FRYL: variants seen among roughly 807,000 people sequenced by gnomAD.
FRYL encodes the protein FRY like transcription coactivator, also known as protein furry homolog-like.
A neutral mutation model predicts 351.2 loss-of-function variants in FRYL; 150 were observed. The observed-to-expected ratio is 0.43, with a 90% CI of 0.37 to 0.49. FRYL has a LOEUF of 0.49. Among genes scored for constraint, FRYL ranks in the 20% least tolerant of loss-of-function variants. The probability of loss-of-function intolerance (pLI) is 0.00; values close to 1 mark genes in which losing one functional copy is unlikely to be tolerated. For synonymous variants in FRYL, 1,153 were observed against 1,257.1 expected, an observed-to-expected ratio of 0.92 and a Z score of 1.75; for missense variants, 3,036 against 3,619.3, an observed-to-expected ratio of 0.84 and a Z score of 4.13.
chr4:48,616,066 C>T (rs1450429631), intron 7 of FRYL, among the ~76,000 whole-genome samples: 2 of 151,748 alleles, frequency 1.3e-5, no homozygotes, highest in South Asian at 4.2e-4. Context: ...TGGGGCCTCT[C>T]GGCGGGTGGG....
chr4:48,778,876 T>C (rs1255684802), intron 1 of FRYL, among the ~76,000 whole-genome samples: 5 of 151,886 alleles, frequency 3.3e-5, no homozygotes, highest in African/African-American at 9.7e-5. Context: ...TGCTGTGTCT[T>C]TTTTCCCCTA....
intron 32 of FRYL, among the ~76,000 whole-genome samples, chr4:48,561,988 C>T (rs779901452): frequency 5.3e-5 from 8 of 152,098 alleles, no homozygotes; most frequent in Non-Finnish European, 7.4e-5. Context: ...TGTACTCTAG[C>T]CTGGGTGACA....
In FRYL at chr4:48,742,973, A is replaced by ATTT. The variant is rs71191256; in HGVS notation, c.-383-32278_-383-32276dup. Among the ~76,000 whole-genome samples, 86 of 81,740 alleles carry ATTT rather than the reference A, an allele frequency of 1.1e-3. 4 individuals are homozygous for ATTT. Among genetic ancestry groups the ATTT allele is most frequent in the East Asian group, 7.1e-3 (16 of 2,242 alleles). 53.6% of individuals were successfully genotyped at this position (81,740 alleles called of 152,430 possible). Reference sequence around the variant, plus strand: ...AGGTGTGCGCCACCACGCCTGGATAATTTTTTTTTTTTTTTTTTTTTTTTT... The same window carrying ATTT: ...AGGTGTGCGCCACCACGCCTGGATAATTTTTTTTTTTTTTTTTTTTTTTTTTTT... On this transcript the variant is annotated intron_variant, in intron 1 of 63. Coordinates refer to ENST00000358350, the MANE Select transcript of FRYL (RefSeq NM_015030.2).
chr4:48,553,123 T>A, intron 36 of FRYL, 92 bp downstream of exon 36: 1 of 861,618 alleles, frequency 1.2e-6, no homozygotes, highest in South Asian at 1.9e-5. Context: ...TAACATGTTA[T>A]GGGACATAGA....
rs1726517173 is a variant in FRYL, at chr4:48,527,496, A to C, written c.7298T>G (p.Val2433Gly). ...GVFKDFDFLDVELEDAEGESM... is the reference protein window; with the variant it reads ...GVFKDFDFLDGELEDAEGESM... ...CCTTACCTCTGCATCTTCCAATTCA[A>C]CATCTAAAAAGTCAAAATCCTTAAA... is the stretch of plus-strand genomic sequence containing the variant. Residue 2433 changes from valine (V) to glycine (G), a missense_variant, in exon 53 of 64, where the codon GTT becomes GGT. Transcript: ENST00000358350. The C allele has an allele frequency of 6.2e-7, 1 of 1,612,556 alleles. No individual in the cohort carries two copies. Among genetic ancestry groups the C allele is most frequent in the Non-Finnish European group, 8.5e-7 (1 of 1,179,078 alleles).
intron 1 of FRYL, among the ~76,000 whole-genome samples, chr4:48,748,370 T>C (rs754588561): frequency 6.6e-6 from 1 of 152,182 alleles, no homozygotes; most frequent in Non-Finnish European, 1.5e-5. Flanking sequence ...CACCTGAACA[T>C]TACGTTTCCC....
intron 1 of FRYL, among the ~76,000 whole-genome samples, chr4:48,741,450 G>C (rs1772055699): frequency 6.6e-6 from 1 of 152,168 alleles, no homozygotes; most frequent in Non-Finnish European, 1.5e-5. Context: ...TGAGGCAGGA[G>C]AACTGCTTCA....
chr4:48,680,283 C>T (rs1014796559), intron 3 of FRYL, among the ~76,000 whole-genome samples: 15 of 151,914 alleles, frequency 9.9e-5, no homozygotes, highest in Non-Finnish European at 2.2e-4. Context: ...ATATTTTAAA[C>T]TGTTTTAATC....
intron 61 of FRYL, 97 bp downstream of exon 61, chr4:48,502,731 G>A (rs566003042): frequency 1.4e-4 from 133 of 933,956 alleles, no homozygotes; most frequent in Middle Eastern, 4.3e-4. Context: ...AGTAGTCCAC[G>A]AGAAAACATT....
In FRYL at chr4:48,566,483, G is replaced by A. The variant is rs533989429; in HGVS notation, c.3169+765C>T. Among the ~76,000 whole-genome samples the A allele has an allele frequency of 7.9e-5, 12 of 151,982 alleles. No homozygotes were observed. In the East Asian group the frequency reaches 1.2e-3, roughly 15 times the overall value. The stretch of plus-strand genomic sequence containing the variant: ...AGTGAGCTTCAGATCAGAAAATTTC[G>A]AAAAAAATATGCTCTTTTCCTTTGA... On this transcript the variant is annotated intron_variant, in intron 28 of 63. Transcript: ENST00000358350.
Position 48,575,158 on chromosome 4 carries a change from G to A in FRYL, c.2805C>T (p.Ser935=), listed in dbSNP as rs773176748. The A allele has an allele frequency of 2.5e-6, 4 of 1,613,768 alleles. No individual in the cohort carries two copies. Among genetic ancestry groups the A allele is most frequent in the African/African-American group, 2.7e-5 (2 of 74,884 alleles). ...MRSESMEITE[S]LVLGLGRTNP... is the part of the protein sequence containing the mutation. Reference sequence around the variant, plus strand: ...TGGTCCTGCCAAGACCTAGAACAAGGGATTCTGTGATTTCCATGCTCTCAG... The same window carrying A: ...TGGTCCTGCCAAGACCTAGAACAAGAGATTCTGTGATTTCCATGCTCTCAG... Residue 935 remains serine, a synonymous_variant, in exon 25 of 64, where the codon TCC becomes TCT. Transcript: ENST00000358350.
intron 7 of FRYL, among the ~76,000 whole-genome samples, chr4:48,612,680 G>A (rs948282099): frequency 2.6e-5 from 4 of 152,108 alleles, no homozygotes; most frequent in African/African-American, 7.2e-5. Flanking sequence ...TTGGGTTCAC[G>A]CCATTCTCCT....
chr4:48,713,971 T>A (rs1052306833), intron 1 of FRYL, among the ~76,000 whole-genome samples: 1 of 151,810 alleles, frequency 6.6e-6, no homozygotes, highest in African/African-American at 2.4e-5. Context: ...AGAAACTCAC[T>A]CAAAACCGCT....
At chr4:48,595,458 T>TCTCGGTGGTCGCCG in intron 15 of FRYL, 132 bp downstream of exon 15, 1 of 518,318 alleles carries the variant, frequency 1.9e-6, no homozygotes, top group Non-Finnish European at 3.4e-6. Context: ...AGTGTGTAGA[T>TCTCGGTGGTCGCCG]TAATGAAATA....
At chr4:48,774,971 G>A (rs1274355739) in intron 1 of FRYL, among the ~76,000 whole-genome samples, 1 of 152,202 alleles carries the variant, frequency 6.6e-6, no homozygotes, top group Middle Eastern at 3.2e-3. Context: ...TGAGTTATTT[G>A]CTAGGATACC....
chr4:48,533,750 G>A (rs1046269006), intron 49 of FRYL, among the ~76,000 whole-genome samples: 4 of 152,132 alleles, frequency 2.6e-5, no homozygotes, highest in African/African-American at 7.2e-5. Flanking sequence ...AGACCAGGCC[G>A]ACTTGTCATC....
At chr4:48,747,571 T>G (rs919287890) in intron 1 of FRYL, among the ~76,000 whole-genome samples, 1 of 152,174 alleles carries the variant, frequency 6.6e-6, no homozygotes, top group Non-Finnish European at 1.5e-5. Context: ...TGAGGAAAAA[T>G]AAAATAAAAC....
At chr4:48,503,969 T>A (rs1577819829) in intron 60 of FRYL, among the ~76,000 whole-genome samples, 1 of 152,158 alleles carries the variant, frequency 6.6e-6, no homozygotes, top group Non-Finnish European at 1.5e-5. Flanking sequence ...CAAGCATATA[T>A]GTATAGCCTC....
rs145833773 is a variant in FRYL, at chr4:48,671,392, G to A, written c.-81+13281C>T. On this transcript the variant is annotated intron_variant, in intron 3 of 63. Transcript: ENST00000358350. Reference sequence around the variant, plus strand: ...AACAAAAAAGGAAAGCTAGGGCCGGGTGTGGTGGCTCACACCTGTAATCCC... The same window carrying A: ...AACAAAAAAGGAAAGCTAGGGCCGGATGTGGTGGCTCACACCTGTAATCCC... 3.9e-3 allele frequency among the ~76,000 whole-genome samples: 592 copies of A among 152,294 alleles called. 4 individuals carry two copies. The highest frequency in any genetic ancestry group is 0.013 in the African/African-American group (526 of 41,554).
Sources: allele counts gnomAD v4.1 joint callset (sites outside exome capture counted in the v4.1 genomes callset), GRCh38; gene constraint gnomAD v4.1.1; transcripts MANE v1.5; gene names NCBI Gene and HGNC (gene_info 2026-07-23, HGNC 2026-07-21).